Variants in PCP4 observed in about 807,000 individuals in gnomAD.
The protein encoded by PCP4 is Purkinje cell protein 4.
Under a neutral mutation model 10.0 loss-of-function variants are expected in PCP4, and 8 were observed. The observed-to-expected ratio is 0.80, with a 90% CI of 0.47 to 1.45. The LOEUF (loss-of-function observed/expected upper bound fraction) is 1.45. PCP4 is among the 40% of genes most tolerant of loss of function. The pLI, the probability that PCP4 is intolerant of heterozygous loss-of-function variation, is 0.00. For missense variants in PCP4, 54 were observed against 74.4 expected, an observed-to-expected ratio of 0.73 and a Z score of 1.01; for synonymous variants, 21 against 23.0, an observed-to-expected ratio of 0.91 and a Z score of 0.24.
At chr21:39,904,532 A>G (rs369304959) in intron 2 of PCP4, among the ~76,000 whole-genome samples, 7 of 152,202 alleles carry the variant, frequency 4.6e-5, no homozygotes, top group African/African-American at 1.4e-4. Context: ...TTGGCAGAGG[A>G]TGCTGCCTGG....
intron 1 of PCP4, among the ~76,000 whole-genome samples, chr21:39,897,028 T>C (rs1222616034): frequency 6.6e-6 from 1 of 152,160 alleles, no homozygotes; most frequent in East Asian, 1.9e-4. Flanking sequence ...GTCTTGACTC[T>C]GCCACTCATT....
At chr21:39,927,299 T>TATC (rs1409382920) in intron 2 of PCP4, among the ~76,000 whole-genome samples, 1 of 118,246 alleles carries the variant, frequency 8.5e-6, no homozygotes, top group Non-Finnish European at 1.9e-5. Flanking sequence ...TCTATCTATC[T>TATC]ATCTATCTAT....
At chr21:39,886,279 A>G (rs1026643346) in intron 1 of PCP4, among the ~76,000 whole-genome samples, 2 of 152,014 alleles carry the variant, frequency 1.3e-5, no homozygotes, top group African/African-American at 2.4e-5. Flanking sequence ...TATGATATTA[A>G]TTTTCAGGAA....
At chr21:39,913,766 T>C (rs1324871667) in intron 2 of PCP4, among the ~76,000 whole-genome samples, 4 of 152,028 alleles carry the variant, frequency 2.6e-5, no homozygotes, top group Non-Finnish European at 5.9e-5. Flanking sequence ...CCCTTTGGAG[T>C]TGCCAGAGAG....
At chr21:39,879,190 T>C (rs1322834432) in intron 1 of PCP4, among the ~76,000 whole-genome samples, 2 of 152,138 alleles carry the variant, frequency 1.3e-5, no homozygotes, top group African/African-American at 2.4e-5. Flanking sequence ...GGTTTCACCA[T>C]GTTGGCCGGG....
chr21:39,883,881 G>C (rs1402183086), intron 1 of PCP4, among the ~76,000 whole-genome samples: 1 of 152,108 alleles, frequency 6.6e-6, no homozygotes, highest in Non-Finnish European at 1.5e-5. Flanking sequence ...TTTGCTCTCT[G>C]ATTTTTCTTA....
intron 2 of PCP4, among the ~76,000 whole-genome samples, chr21:39,927,370 ATCTATCTATCTATCTATCT>A (rs2087629890): frequency 1.5e-4 from 1 of 6,514 alleles, no homozygotes; most frequent in East Asian, 2.0e-3. Flanking sequence ...TCTATCTATC[ATCTATCTATCTATCTATCT>A]ATCATCATCT....
rs547544400 is a variant in PCP4 at position 39,906,798 on chromosome 21, T to G, written c.61+8271T>G. On this transcript the variant is annotated intron_variant, in intron 2 of 2. Transcript: ENST00000328619. This position sits in a 1 kb window ranked among gnomAD's most constrained non-coding sequence, Gnocchi z 6.3. ...TTAAAGATCTTCAAGATCTTGGCCA[T>G]GAAGCAGCTTGAACCAGGAAAATGT... 3.9e-5 allele frequency among the ~76,000 whole-genome samples: 6 copies of G among 152,200 alleles called. No individual in the cohort carries two copies. Among genetic ancestry groups the G allele is most frequent in the Non-Finnish European group, 8.8e-5 (6 of 68,044 alleles).
chr21:39,927,688 C>G (rs2087631554), intron 2 of PCP4, among the ~76,000 whole-genome samples: 3 of 152,158 alleles, frequency 2.0e-5, no homozygotes, highest in South Asian at 4.1e-4. Flanking sequence ...GGTGCAAGCC[C>G]AGGGTGGCAG....
chr21:39,924,196 G>C (rs992237322), intron 2 of PCP4, among the ~76,000 whole-genome samples: 2 of 152,116 alleles, frequency 1.3e-5, no homozygotes, highest in African/African-American at 4.8e-5. Context: ...CCCTTCACTG[G>C]CCTTTGCAGC....
Position 39,887,586 on chromosome 21 carries a change from C to T in PCP4, c.10-10890C>T, listed in dbSNP as rs2087406670. Among the ~76,000 whole-genome samples the T allele has an allele frequency of 1.3e-5, 2 of 152,106 alleles. 1 individual carries two copies. The highest frequency in any genetic ancestry group is 2.9e-5 in the Non-Finnish European group (2 of 68,026). ...TCAGCAACTTTGATTTTGAAGTTGC[C>T]TTTGATGATAGGTCTTCAATGTTCC... On this transcript the variant is annotated intron_variant, in intron 1 of 2. Transcript: ENST00000328619.
intron 1 of PCP4, among the ~76,000 whole-genome samples, chr21:39,877,515 C>A (rs908992645): frequency 6.6e-6 from 1 of 150,430 alleles, no homozygotes; most frequent in Non-Finnish European, 1.5e-5. Context: ...GGCGAAACCC[C>A]GTCTCTACCA....
chr21:39,925,231 GCCTCCTTGGAGGC>G (rs1419907254), intron 2 of PCP4, among the ~76,000 whole-genome samples: 1 of 152,132 alleles, frequency 6.6e-6, no homozygotes, highest in Admixed American at 6.5e-5. Flanking sequence ...CCAGCTACAT[GCCTCCTTGGAGGC>G]CCCTTGAGGC....
intron 1 of PCP4, among the ~76,000 whole-genome samples, chr21:39,893,404 A>G (rs758457300): frequency 2.0e-5 from 3 of 152,228 alleles, no homozygotes; most frequent in Admixed American, 6.5e-5. Flanking sequence ...TTTGTTATTT[A>G]GATTCCCTTT....
intron 1 of PCP4, among the ~76,000 whole-genome samples, chr21:39,871,639 T>G (rs1222036867): frequency 6.6e-6 from 1 of 152,230 alleles, no homozygotes; most frequent in African/African-American, 2.4e-5. Context: ...TAAGTCCACA[T>G]AGTCACCAGT....
At chr21:39,876,255 T>C (rs2087345126) in intron 1 of PCP4, among the ~76,000 whole-genome samples, 1 of 152,138 alleles carries the variant, frequency 6.6e-6, no homozygotes, top group African/African-American at 2.4e-5. Context: ...TCTGCACCCA[T>C]TCAACAACCA....
At chr21:39,897,540 T>C (rs1304358552) in intron 1 of PCP4, among the ~76,000 whole-genome samples, 1 of 152,210 alleles carries the variant, frequency 6.6e-6, no homozygotes, top group Non-Finnish European at 1.5e-5. Flanking sequence ...ACACCCTTTC[T>C]GTTTACATGT....
In PCP4 at chr21:39,906,811, AC is replaced by A. The variant is rs1429057101; in HGVS notation, c.61+8286del. ...AGATCTTGGCCATGAAGCAGCTTGA[AC>A]CAGGAAAATGTGCATCCCTCTAGCC... On this transcript the variant is annotated intron_variant, in intron 2 of 2. Coordinates refer to ENST00000328619, the MANE Select transcript of PCP4 (RefSeq NM_006198.3). The surrounding 1 kb of genome is among the most constrained non-coding windows in gnomAD (Gnocchi z 6.3). Among the ~76,000 whole-genome samples the A allele has an allele frequency of 5.9e-5, 9 of 152,300 alleles. No individual in the cohort carries two copies. Among genetic ancestry groups the A allele is most frequent in the African/African-American group, 2.2e-4 (9 of 41,566 alleles).
At chr21:39,923,946 C>T (rs1396015785) in intron 2 of PCP4, among the ~76,000 whole-genome samples, 5 of 152,278 alleles carry the variant, frequency 3.3e-5, no homozygotes, top group East Asian at 1.9e-4. Flanking sequence ...CTGTATCGGT[C>T]GGCAGTGGGA....
Sources: allele counts gnomAD v4.1 joint callset (sites outside exome capture counted in the v4.1 genomes callset), GRCh38; gene constraint gnomAD v4.1.1; non-coding constraint Gnocchi (gnomAD v3.1); transcripts MANE v1.5; gene names NCBI Gene and HGNC (gene_info 2026-07-23, HGNC 2026-07-21).